Variants in SPIRE1 observed in about 807,000 individuals in gnomAD.
The protein encoded by SPIRE1 is spire type actin nucleation factor 1.
In SPIRE1, 40 loss-of-function variants were observed where a neutral mutation model predicts 94.1. That is an observed-to-expected ratio of 0.43 (90% CI 0.33 to 0.55). The LOEUF (loss-of-function observed/expected upper bound fraction) is 0.55, where lower values mean the gene tolerates loss of function less well. Among genes scored for constraint, SPIRE1 ranks in the 20% least tolerant of loss-of-function variants. SPIRE1 has a pLI of 0.06. For missense variants in SPIRE1, 838 were observed against 975.2 expected (o/e 0.86, Z 1.87); for synonymous variants, 376 against 371.7 (o/e 1.01, Z -0.13).
Position 12,457,846 on chromosome 18 carries a change from CTT to C in SPIRE1, c.1639-3365_1639-3364del, listed in dbSNP as rs201510377. On this transcript the variant is annotated intron_variant, in intron 12 of 16. Transcript: ENST00000409402. ...AATAGTCACCTTTCTTTTCTTTTTT[CTT>C]TTTTTTTTTTTTTTGAGATGGAGTC... Among the ~76,000 whole-genome samples the C allele has an allele frequency of 1.5e-3, 192 of 132,218 alleles. 1 individual carries two copies. Among genetic ancestry groups the C allele is most frequent in the East Asian group, 7.0e-3 (32 of 4,568 alleles). The allele number at this position is 132,218 out of a possible 152,430, so 86.7% of individuals were successfully genotyped here.
rs140684299 is a variant in SPIRE1, at chr18:12,572,401, C to G, written c.373-25497G>C. On this transcript the variant is annotated intron_variant, in intron 2 of 16. Transcript: ENST00000409402. ...CTGATCCTCTTGCCTCAGCCTCACA[C>G]AGTGCTAGGATTACAGACATGAGCC... Among the ~76,000 whole-genome samples the G allele has an allele frequency of 3.0e-4, 46 of 152,080 alleles. 1 individual carries two copies. Among genetic ancestry groups the G allele is most frequent in the African/African-American group, 1.1e-3 (45 of 41,482 alleles).
chr18:12,651,521 A>C (rs2038380376), intron 1 of SPIRE1, among the ~76,000 whole-genome samples: 1 of 152,154 alleles, frequency 6.6e-6, no homozygotes, highest in South Asian at 2.1e-4. Context: ...TAAAAATACA[A>C]AAATTAGCCG....
At chr18:12,607,914 T>C (rs2037029427) in intron 2 of SPIRE1, among the ~76,000 whole-genome samples, 1 of 152,080 alleles carries the variant, frequency 6.6e-6, no homozygotes, top group African/African-American at 2.4e-5. Flanking sequence ...CCCAGCACTT[T>C]GGGAGGCTGA....
chr18:12,574,381 A>G (rs1007775452), intron 2 of SPIRE1, among the ~76,000 whole-genome samples: 1 of 152,184 alleles, frequency 6.6e-6, no homozygotes, highest in Non-Finnish European at 1.5e-5. Flanking sequence ...GTTTCTTGGG[A>G]TGCATAGTAA....
chr18:12,479,279 ATCC>A (rs538463689), intron 10 of SPIRE1, among the ~76,000 whole-genome samples: 108 of 151,416 alleles, frequency 7.1e-4, no homozygotes, highest in South Asian at 2.5e-3. Context: ...GGCTCAAGGA[ATCC>A]TCCTGCCTTA....
chr18:12,587,799 A>C (rs1356055905), intron 2 of SPIRE1, among the ~76,000 whole-genome samples: 1 of 152,242 alleles, frequency 6.6e-6, no homozygotes, highest in Non-Finnish European at 1.5e-5. Flanking sequence ...AATTCTTTCA[A>C]ATTGCTTAAT....
chr18:12,500,899 C>T (rs2143935540), intron 6 of SPIRE1, among the ~76,000 whole-genome samples: 1 of 151,712 alleles, frequency 6.6e-6, no homozygotes, highest in Admixed American at 6.6e-5. Context: ...ATGGAGAAAC[C>T]CTGTCTCTAC....
intron 2 of SPIRE1, among the ~76,000 whole-genome samples, chr18:12,557,146 G>A (rs1415008436): frequency 2.6e-5 from 4 of 152,210 alleles, no homozygotes; most frequent in African/African-American, 7.2e-5. Context: ...CCACACGCCC[G>A]CACTCCTCAG....
chr18:12,586,529 G>A (rs946011655), intron 2 of SPIRE1, among the ~76,000 whole-genome samples: 4 of 152,134 alleles, frequency 2.6e-5, no homozygotes, highest in African/African-American at 7.2e-5. Flanking sequence ...TTAAACTAAT[G>A]AGACAATTCT....
In SPIRE1 at chr18:12,482,069, C is replaced by T. The variant is rs143238442; in HGVS notation, c.1232-2198G>A. On this transcript the variant is annotated intron_variant, in intron 9 of 16. Transcript: ENST00000409402. ...CTCATGCTGGCCCCACATTTCCAAT[C>T]GACAAAGCCAGAGTTTCCCTAAGAA... 1.4e-4 allele frequency among the ~76,000 whole-genome samples: 21 copies of T among 152,276 alleles called. No individual in the cohort carries two copies. In the East Asian group the frequency reaches 3.1e-3, roughly 22 times the overall value.
chr18:12,610,123 G>A (rs982727748), intron 2 of SPIRE1, among the ~76,000 whole-genome samples: 17 of 150,558 alleles, frequency 1.1e-4, no homozygotes, highest in African/African-American at 2.5e-5. Context: ...TCTCCTTATC[G>A]CTGCCATCTG....
intron 2 of SPIRE1, among the ~76,000 whole-genome samples, chr18:12,629,100 C>T (rs997973234): frequency 6.6e-6 from 1 of 152,134 alleles, no homozygotes; most frequent in African/African-American, 2.4e-5. Flanking sequence ...TTAACCTATT[C>T]CACTTAAAAT....
rs75822320 is a variant in SPIRE1, at chr18:12,497,365, C to G, written c.973-1263G>C. 9.4e-3 allele frequency among the ~76,000 whole-genome samples: 1,433 copies of G among 152,216 alleles called. 9 individuals are homozygous for G. The highest frequency in any genetic ancestry group is 0.02 in the Middle Eastern group (6 of 294). ...AGAAGCAACAACTTAAATTCCCATT[C>G]TGACCACTTAGAAGGCACAGTCATG... On this transcript the variant is annotated intron_variant, in intron 6 of 16. Transcript: ENST00000409402.
At chr18:12,539,587 GCA>G (rs57030414) in intron 3 of SPIRE1, among the ~76,000 whole-genome samples, 2,348 of 138,418 alleles carry the variant, frequency 0.017, 25 homozygotes, top group East Asian at 0.025. Context: ...ACACACACAC[GCA>G]CACACACACA....
intron 2 of SPIRE1, among the ~76,000 whole-genome samples, chr18:12,597,997 G>A (rs909096514): frequency 5.3e-5 from 8 of 152,104 alleles, no homozygotes; most frequent in African/African-American, 1.7e-4. Context: ...GTGCAGAGGC[G>A]GCAGAGTTCA....
chr18:12,458,350 G>T (rs927635609), intron 12 of SPIRE1, among the ~76,000 whole-genome samples: 2 of 151,600 alleles, frequency 1.3e-5, no homozygotes, highest in Non-Finnish European at 2.9e-5. Flanking sequence ...AGTGGCTCAC[G>T]CCTGTAATCC....
At chr18:12,493,777 T>A (rs2143869632) in intron 7 of SPIRE1, among the ~76,000 whole-genome samples, 1 of 152,366 alleles carries the variant, frequency 6.6e-6, no homozygotes, top group South Asian at 2.1e-4. Context: ...TCCAGGCGCA[T>A]GCCACTGAGC....
chr18:12,576,428 G>A (rs12958155), intron 2 of SPIRE1, among the ~76,000 whole-genome samples: 7 of 150,076 alleles, frequency 4.7e-5, no homozygotes, highest in South Asian at 2.1e-4. Flanking sequence ...ACTAAAATAC[G>A]AAAATTAGCC....
chr18:12,571,528 A>G (rs1252372402), intron 2 of SPIRE1, among the ~76,000 whole-genome samples: 1 of 152,200 alleles, frequency 6.6e-6, no homozygotes, highest in Non-Finnish European at 1.5e-5. Flanking sequence ...GTCCCAACTA[A>G]GAAGCCCTTC....
Sources: gnomAD v4.1 joint callset for allele counts (sites outside exome capture counted in the v4.1 genomes callset) on GRCh38, gnomAD v4.1.1 for gene constraint, MANE v1.5 for transcripts, NCBI Gene and HGNC (gene_info 2026-07-23, HGNC 2026-07-21) for gene names.